TAFA4: variants seen among roughly 807,000 people sequenced by gnomAD.
The protein encoded by TAFA4 is TAFA chemokine like family member 4.
A neutral mutation model predicts 21.1 loss-of-function variants in TAFA4; 20 were observed. The observed-to-expected ratio is 0.95, with a 90% CI of 0.67 to 1.38. The LOEUF (loss-of-function observed/expected upper bound fraction) is 1.38. Ranked by LOEUF, TAFA4 falls within the 40% of genes most tolerant of loss-of-function variation. The pLI is 0.00. For missense variants in TAFA4, 211 were observed against 180.9 expected (o/e 1.17, Z -0.95); for synonymous variants, 71 against 67.4 (o/e 1.05, Z -0.26).
intron 3 of TAFA4, among the ~76,000 whole-genome samples, chr3:68,874,594 T>A (rs575388019): frequency 6.6e-6 from 1 of 152,194 alleles, no homozygotes; most frequent in African/African-American, 2.4e-5. Flanking sequence ...AAAAGGGAAA[T>A]TTCTTCTCAA....
intron 3 of TAFA4, among the ~76,000 whole-genome samples, chr3:68,755,328 T>C (rs1300972882): frequency 1.3e-5 from 2 of 152,246 alleles, no homozygotes; most frequent in African/African-American, 2.4e-5. Context: ...AAAGAAACTT[T>C]ACTGGAAGAT....
At chr3:68,865,367 T>C (rs967725786) in intron 3 of TAFA4, among the ~76,000 whole-genome samples, 2 of 151,966 alleles carry the variant, frequency 1.3e-5, no homozygotes, top group African/African-American at 4.8e-5. Flanking sequence ...GTTCCCATAA[T>C]CCCCATGTGT....
At chr3:68,918,278 G>C (rs894158379) in intron 1 of TAFA4, among the ~76,000 whole-genome samples, 1 of 152,128 alleles carries the variant, frequency 6.6e-6, no homozygotes, top group Non-Finnish European at 1.5e-5. Flanking sequence ...GGAAGGGGGA[G>C]AGGTCGCAAA....
intron 3 of TAFA4, among the ~76,000 whole-genome samples, chr3:68,818,691 C>T (rs1602200): frequency 0.69 from 104,465 of 151,942 alleles, 36,453 homozygotes; most frequent in East Asian, 0.98. Flanking sequence ...GATGGGAGAA[C>T]GGCTGGTCAG....
At chr3:68,926,042 G>A (rs1196726956) in intron 1 of TAFA4, among the ~76,000 whole-genome samples, 2 of 152,128 alleles carry the variant, frequency 1.3e-5, no homozygotes, top group Admixed American at 6.6e-5. Context: ...GACCAGCCTG[G>A]TCAACATGGT....
intron 3 of TAFA4, among the ~76,000 whole-genome samples, chr3:68,826,600 A>C (rs1297274047): frequency 6.6e-6 from 1 of 151,660 alleles, no homozygotes; most frequent in African/African-American, 2.4e-5. Flanking sequence ...AGGTTAACTC[A>C]GAAAGATATT....
intron 3 of TAFA4, among the ~76,000 whole-genome samples, chr3:68,832,458 G>A: frequency 6.6e-6 from 1 of 152,128 alleles, no homozygotes; most frequent in East Asian, 1.9e-4. Context: ...CAGATCTGTT[G>A]GAGTTTGCTG....
chr3:68,736,988 TAC>T (rs1156857509), intron 5 of TAFA4, among the ~76,000 whole-genome samples: 1 of 152,162 alleles, frequency 6.6e-6, no homozygotes, highest in African/African-American at 2.4e-5. Context: ...ACAGCAAACT[TAC>T]ATTCCCAGCA....
intron 3 of TAFA4, among the ~76,000 whole-genome samples, chr3:68,764,426 T>C (rs985196172): frequency 1.3e-5 from 2 of 152,182 alleles, no homozygotes; most frequent in African/African-American, 2.4e-5. Flanking sequence ...ACTGTGGTAT[T>C]TGTAGAAGCC....
chr3:68,917,646 C>T (rs756241671), intron 1 of TAFA4, among the ~76,000 whole-genome samples: 2 of 149,762 alleles, frequency 1.3e-5, no homozygotes, highest in Admixed American at 1.3e-4. Context: ...CCCAGCTACT[C>T]GGGAGGCTGA....
At chr3:68,864,119 A>C (rs2089386629) in intron 3 of TAFA4, among the ~76,000 whole-genome samples, 1 of 152,120 alleles carries the variant, frequency 6.6e-6, no homozygotes. Context: ...TCAAAATAAA[A>C]ACTTCTGCTC....
At chr3:68,755,098 G>A (rs1393737965) in intron 3 of TAFA4, among the ~76,000 whole-genome samples, 1 of 152,108 alleles carries the variant, frequency 6.6e-6, no homozygotes, top group Non-Finnish European at 1.5e-5. Flanking sequence ...ATGTGCGCAG[G>A]TACATCGACA....
At chr3:68,756,168 T>G (rs1565385) in intron 3 of TAFA4, among the ~76,000 whole-genome samples, 40,943 of 152,150 alleles carry the variant, frequency 0.27, 6,975 homozygotes, top group East Asian at 0.87. Context: ...TTTCCAAGAT[T>G]TGGGGTAATT....
intron 3 of TAFA4, among the ~76,000 whole-genome samples, chr3:68,829,598 T>G (rs1028607040): frequency 6.6e-6 from 1 of 152,224 alleles, no homozygotes; most frequent in African/African-American, 2.4e-5. Context: ...GCCAGTATTT[T>G]ATGGCGGATT....
intron 2 of TAFA4, 146 bp downstream of exon 2, chr3:68,885,029 T>G: frequency 1.4e-6 from 1 of 715,654 alleles, no homozygotes; most frequent in Non-Finnish European, 2.3e-6. Flanking sequence ...AAAGCTAAAA[T>G]GAAAAAATCA....
intron 3 of TAFA4, among the ~76,000 whole-genome samples, chr3:68,835,409 A>G (rs1164444316): frequency 6.6e-6 from 1 of 152,242 alleles, no homozygotes; most frequent in African/African-American, 2.4e-5. Flanking sequence ...CACAGTCAGT[A>G]TTCAAATATT....
intron 3 of TAFA4, among the ~76,000 whole-genome samples, chr3:68,848,642 C>T (rs893373648): frequency 7.9e-5 from 12 of 152,164 alleles, no homozygotes; most frequent in African/African-American, 2.7e-4. Flanking sequence ...ACTTTCTTCC[C>T]AGTAGTCCCC....
intron 3 of TAFA4, among the ~76,000 whole-genome samples, chr3:68,761,982 G>A (rs1210367730): frequency 1.3e-5 from 2 of 152,104 alleles, no homozygotes; most frequent in Non-Finnish European, 2.9e-5. Flanking sequence ...TAAATTTCAT[G>A]TCTTAAATAG....
chr3:68,811,604 CGAGAA>C (rs1427372482), intron 3 of TAFA4, among the ~76,000 whole-genome samples: 4 of 151,600 alleles, frequency 2.6e-5, no homozygotes, highest in Non-Finnish European at 4.4e-5. Context: ...TGAAATGAAG[CGAGAA>C]GAGAAGTTTA....
Sources: allele counts gnomAD v4.1 joint callset (sites outside exome capture counted in the v4.1 genomes callset), GRCh38; gene constraint gnomAD v4.1.1; transcripts MANE v1.5; gene names NCBI Gene and HGNC (gene_info 2026-07-23, HGNC 2026-07-21).